The following MYBPC2 variants were observed in gnomAD, a reference collection of about 807,000 sequenced individuals.
MYBPC2 encodes myosin-binding protein C, fast-type.
MYBPC2 carries 122 observed loss-of-function variants against 137.0 expected under a neutral mutation model. The observed-to-expected ratio is 0.89, with a 90% CI of 0.77 to 1.03. The LOEUF is 1.03. MYBPC2 is among the 50% of genes least tolerant of loss of function. The pLI is 0.00. For missense variants in MYBPC2, 1,500 were observed against 1,534.4 expected (o/e 0.98, Z 0.37); for synonymous variants, 626 against 612.3 (o/e 1.02, Z -0.33).
In MYBPC2 at chr19:50,435,723, C is replaced by A; in HGVS notation, c.110-53C>A. 1 of 1,478,282 alleles carries A rather than the reference C, an allele frequency of 6.8e-7. No homozygotes were observed. Among genetic ancestry groups the A allele is most frequent in the Non-Finnish European group, 9.2e-7 (1 of 1,086,818 alleles). The allele number at this position is 1,478,282 out of a possible 1,614,324, so 91.6% of individuals were successfully genotyped here. A position where few individuals can be genotyped will look rare whatever the true frequency, so the allele number is the denominator to read the frequency against. ...TCCTTTCCCCAAAGCGGCCCACTGT[C>A]CCCTCCCCAGCCTATCTCAGACCTC... On this transcript the variant is annotated intron_variant, in intron 2 of 27. Transcript: ENST00000357701. The surrounding 1 kb of genome is among the most constrained non-coding windows in gnomAD (Gnocchi z 4.8).
chr19:50,454,035 G>T lies in MYBPC2; in HGVS notation c.1765G>T (p.Glu589Ter), dbSNP rs377510163. Residue 589 changes from glutamate to a stop codon, truncating the protein, a stop_gained, in exon 17 of 28, where the codon GAG becomes TAG. Coordinates refer to ENST00000357701, the MANE Select transcript of MYBPC2 (RefSeq NM_004533.4). LOFTEE classifies it high-confidence loss of function. ...CTGCGTTCAGGTATTCACGACCACC[G>T]AGGGCAGGACCCGCATCGAGAAGCG... is the stretch of plus-strand genomic sequence containing the variant. ...LKGDEVFTTT[E>*]GRTRIEKRVD... is the part of the protein sequence containing the mutation. The T allele has an allele frequency of 6.2e-7, 1 of 1,604,042 alleles. No homozygotes were observed. The highest frequency in any genetic ancestry group is 1.3e-5 in the African/African-American group (1 of 74,842).
intron 11 of MYBPC2, among the ~76,000 whole-genome samples, chr19:50,444,595 A>G (rs542938623): frequency 2.7e-4 from 41 of 152,280 alleles, no homozygotes; most frequent in Non-Finnish European, 5.6e-4. Context: ...AAAAATGTCA[A>G]CATGGCCGGG....
At chr19:50,443,460 C>CA in intron 9 of MYBPC2, 34 bp from the exon 10 acceptor site, 14 of 1,607,196 alleles carry the variant, frequency 8.7e-6, no homozygotes, top group Non-Finnish European at 1.2e-5. Context: ...GTGGATGCTC[C>CA]ACGCCCTGGT....
Position 50,442,316 on chromosome 19 carries a change from A to G in MYBPC2, c.902+3A>G, listed in dbSNP as rs375424863. 66 of 1,608,354 alleles carry G rather than the reference A, an allele frequency of 4.1e-5. No homozygotes were observed. The highest frequency in any genetic ancestry group is 5.4e-5 in the Non-Finnish European group (64 of 1,177,596). ...CAGGAGATCAAACCAAGCAGCAAGT[A>G]TGTGTGGGGTGGGCAGTCCCTGCAC... On this transcript the variant is annotated splice_donor_region_variant and intron_variant, in intron 9 of 27. Coordinates refer to ENST00000357701, the MANE Select transcript of MYBPC2 (RefSeq NM_004533.4).
chr19:50,459,961 G>C (rs2039956232), intron 23 of MYBPC2, 79 bp from the exon 24 acceptor site: 12 of 1,530,828 alleles, frequency 7.8e-6, no homozygotes, highest in Non-Finnish European at 1.1e-5. Context: ...AGGAGGGAGG[G>C]GGTGTGGAGA....
chr19:50,458,676 C>T lies in MYBPC2; in HGVS notation c.2428C>T (p.Arg810Ter), dbSNP rs1601296032. The change falls in exon 21 of 28, where the codon CGA (arginine) becomes TGA (stop). Residue 810 changes from arginine to a stop codon, truncating the protein, a stop_gained. Coordinates refer to ENST00000357701, the MANE Select transcript of MYBPC2 (RefSeq NM_004533.4). LOFTEE classifies it high-confidence loss of function. ...CCCGACCGGAGCCAGAATCCTCTTC[C>T]GAGTAGTTGGGGTCAACATCGCGGG... ...NLPTGARILF[R>*]VVGVNIAGRS... 1 of 1,612,402 alleles carries T rather than the reference C, an allele frequency of 6.2e-7. No homozygotes were observed. The highest frequency in any genetic ancestry group is 1.1e-5 in the South Asian group (1 of 91,082).
chr19:50,437,751 T>A, intron 7 of MYBPC2, 33 bp downstream of exon 7: 1 of 1,583,666 alleles, frequency 6.3e-7, no homozygotes, highest in Non-Finnish European at 8.6e-7. Flanking sequence ...AGAGGGGAGA[T>A]GGGACTCAAG....
intron 26 of MYBPC2, 38 bp from the exon 27 acceptor site, chr19:50,464,304 GTCTC>G (rs768284920): frequency 3.7e-5 from 57 of 1,539,738 alleles, no homozygotes; most frequent in Non-Finnish European, 4.5e-5. Context: ...ATTGCCCAGG[GTCTC>G]TCTCTAAGTT....
At chr19:50,460,500 C>T (rs1383479378) in intron 24 of MYBPC2, among the ~76,000 whole-genome samples, 1 of 152,104 alleles carries the variant, frequency 6.6e-6, no homozygotes, top group Non-Finnish European at 1.5e-5. Flanking sequence ...AGCCCTGTAC[C>T]CAATAGCGCT....
rs1039953493 is a variant in MYBPC2, at chr19:50,438,392, G to A, written c.572+674G>A. Among the ~76,000 whole-genome samples the A allele has an allele frequency of 3.9e-5, 6 of 152,132 alleles. No individual in the cohort carries two copies. In the East Asian group the frequency reaches 9.6e-4, roughly 24 times the overall value. On this transcript the variant is annotated intron_variant, in intron 7 of 27. Transcript: ENST00000357701. Reference sequence around the variant, plus strand: ...ATGAATGCATGGTGGAGAGGTGGGAGGATGGGTGCCTCAGTAGGTGGGGAA... The same window carrying A: ...ATGAATGCATGGTGGAGAGGTGGGAAGATGGGTGCCTCAGTAGGTGGGGAA...
chr19:50,439,344 C>T lies in MYBPC2; in HGVS notation c.573-1536C>T, dbSNP rs371416602. ...CCCACCCACCCTTCCACTGACCCACCCACCTACTTATCAGCCCACTTACTC... is the reference window on the plus strand; with the variant it reads ...CCCACCCACCCTTCCACTGACCCACTCACCTACTTATCAGCCCACTTACTC... On this transcript the variant is annotated intron_variant, in intron 7 of 27. Transcript: ENST00000357701. 3.3e-5 allele frequency among the ~76,000 whole-genome samples: 5 copies of T among 151,720 alleles called. No individual in the cohort carries two copies. The South Asian group carries it at 1.0e-3, about 32-fold the overall frequency.
Position 50,435,765 on chromosome 19 carries a change from C to G in MYBPC2, c.110-11C>G. ...TCAGACCTCCTCATCCTAATCCTGT[C>G]CCCTGAACAGAAGCCCCACCCGAGG... On this transcript the variant is annotated splice_polypyrimidine_tract_variant and intron_variant, in intron 2 of 27. Transcript: ENST00000357701. The surrounding 1 kb of genome is among the most constrained non-coding windows in gnomAD (Gnocchi z 4.8). The G allele has an allele frequency of 1.2e-6, 2 of 1,603,452 alleles. No homozygotes were observed. The highest frequency in any genetic ancestry group is 8.5e-7 in the Non-Finnish European group (1 of 1,172,758).
chr19:50,436,748 G>A lies in MYBPC2; in HGVS notation c.463+14G>A, dbSNP rs1379003158. ...TCGATGTGGAGGGTATGCTGGTGGGGGATGCGGGAGCAAAGGGTTCTATGT... is the reference window on the plus strand; with the variant it reads ...TCGATGTGGAGGGTATGCTGGTGGGAGATGCGGGAGCAAAGGGTTCTATGT... On this transcript the variant is annotated intron_variant, in intron 5 of 27. Coordinates refer to ENST00000357701, the MANE Select transcript of MYBPC2 (RefSeq NM_004533.4). The A allele has an allele frequency of 1.2e-6, 2 of 1,610,728 alleles. No homozygotes were observed. Among genetic ancestry groups the A allele is most frequent in the Admixed American group, 3.3e-5 (2 of 59,978 alleles).
intron 26 of MYBPC2, among the ~76,000 whole-genome samples, chr19:50,463,500 G>T (rs772247806): frequency 6.6e-6 from 1 of 151,594 alleles, no homozygotes; most frequent in East Asian, 1.9e-4. Flanking sequence ...GCACTGTTTC[G>T]TGCTCTCATT....
At chr19:50,447,925 C>T (rs1293569479) in intron 12 of MYBPC2, among the ~76,000 whole-genome samples, 1 of 152,110 alleles carries the variant, frequency 6.6e-6, no homozygotes, top group Non-Finnish European at 1.5e-5. Flanking sequence ...AGGCGTGAAC[C>T]ACTGTGCCCG....
chr19:50,455,129 AG>A lies in MYBPC2; in HGVS notation c.2037del (p.Lys680ArgfsTer7), dbSNP rs1399486401. On this transcript the variant is annotated frameshift_variant, in exon 19 of 28. Coordinates refer to ENST00000357701, the MANE Select transcript of MYBPC2 (RefSeq NM_004533.4). LOFTEE classifies it high-confidence loss of function. ...PVTGYLVERK[K>X]KGSQRWMKLN... ...CCAGGGTACCTCGTAGAGCGGAAGA[AG>A]AAGGGCTCTCAGCGCTGGATGAAGC... 3 of 1,613,152 alleles carry A rather than the reference AG, an allele frequency of 1.9e-6. No homozygotes were observed. Among genetic ancestry groups the A allele is most frequent in the Non-Finnish European group, 2.5e-6 (3 of 1,179,744 alleles).
intron 12 of MYBPC2, among the ~76,000 whole-genome samples, chr19:50,446,537 A>T (rs1381126897): frequency 1.5e-5 from 2 of 131,124 alleles, no homozygotes; most frequent in Non-Finnish European, 3.2e-5. Context: ...AACAAAAACA[A>T]ACCTGGGCGC....
At position 50,435,782 on chromosome 19, in the gene MYBPC2, C is replaced by T; in HGVS notation, c.116C>T (p.Pro39Leu). The T allele has an allele frequency of 1.9e-6, 3 of 1,608,450 alleles. No homozygotes were observed. The highest frequency in any genetic ancestry group is 1.7e-6 in the Non-Finnish European group (2 of 1,176,268). Residue 39 changes from proline (P) to leucine (L), a missense_variant, in exon 3 of 28, where the codon CCA becomes CTA. Transcript: ENST00000357701. The surrounding 1 kb of genome is among the most constrained non-coding windows in gnomAD (Gnocchi z 4.8). ...AATCCTGTCCCCTGAACAGAAGCCCCACCCGAGGACCAGTCCCCGACTGCA... is the reference window on the plus strand; with the variant it reads ...AATCCTGTCCCCTGAACAGAAGCCCTACCCGAGGACCAGTCCCCGACTGCA... ...EAPAEAPKEA[P>L]PEDQSPTAEE...
rs1418111156 is a variant in MYBPC2, at chr19:50,450,838, G to A, written c.1482G>A (p.Lys494=). The A allele has an allele frequency of 5.1e-6, 8 of 1,568,064 alleles. No individual in the cohort carries two copies. Among genetic ancestry groups the A allele is most frequent in the South Asian group, 1.2e-5 (1 of 84,834 alleles). The change falls in exon 14 of 28, where the codon AAG becomes AAA. Residue 494 remains lysine (K), a synonymous_variant. Transcript: ENST00000357701. ...CTCCCCCACCCCTTAGGTTCCACAA[G>A]CTGGTGATCGATGACGTCCGCCCCG... is the stretch of plus-strand genomic sequence containing the variant. The part of the protein sequence containing the change: ...ITISHVGRFH[K]LVIDDVRPED...
Sources: gnomAD v4.1 joint callset for allele counts (sites outside exome capture counted in the v4.1 genomes callset) on GRCh38, gnomAD v4.1.1 for gene constraint, Gnocchi (gnomAD v3.1) non-coding constraint, MANE v1.5 for transcripts, NCBI Gene and HGNC (gene_info 2026-07-23, HGNC 2026-07-21) for gene names.